Variants in MARCHF1 observed in about 807,000 individuals in gnomAD.
The protein encoded by MARCHF1 is membrane associated ring-CH-type finger 1.
In MARCHF1, 40 loss-of-function variants were observed where a neutral mutation model predicts 54.2. The ratio of observed to expected loss-of-function variants is 0.74; its 90% CI spans 0.57 to 0.96. The LOEUF is 0.96. Among genes scored for constraint, MARCHF1 ranks in the 40% least tolerant of loss-of-function variants. The probability of loss-of-function intolerance (pLI) is 0.00; values close to 1 mark genes in which losing one functional copy is unlikely to be tolerated. For synonymous variants in MARCHF1, 236 were observed against 236.3 expected (o/e 1.00, Z 0.01); for missense variants, 586 against 656.5 (o/e 0.89, Z 1.17).
chr4:163,959,651 T>C (rs1232091261), intron 3 of MARCHF1, among the ~76,000 whole-genome samples: 1 of 151,748 alleles, frequency 6.6e-6, no homozygotes. Context: ...TTACGCTATA[T>C]AAAAAAATCA....
At chr4:164,211,434 A>G (rs1731772611) in intron 1 of MARCHF1, among the ~76,000 whole-genome samples, 1 of 151,434 alleles carries the variant, frequency 6.6e-6, no homozygotes, top group South Asian at 2.1e-4. Flanking sequence ...AATGCATGCA[A>G]TTATTATTTC....
At chr4:164,264,705 A>C (rs1193669146) in intron 1 of MARCHF1, among the ~76,000 whole-genome samples, 4 of 152,034 alleles carry the variant, frequency 2.6e-5, no homozygotes, top group South Asian at 2.1e-4. Context: ...GGATCACCTA[A>C]GGTCAGGAGT....
rs112161471 is a variant in MARCHF1 at position 164,337,102 on chromosome 4, G to A, written c.-323+46768C>T. 1.3e-3 allele frequency among the ~76,000 whole-genome samples: 203 copies of A among 152,258 alleles called. 1 individual carries two copies. The highest frequency in any genetic ancestry group is 6.8e-3 in the Middle Eastern group (2 of 294). On this transcript the variant is annotated intron_variant, in intron 1 of 9. Transcript: ENST00000514618. ...AGGAAAAAAGTAAACCTGTGAAAGT[G>A]TAAGTTTTGGAGTACTTGATACTGA... is the stretch of plus-strand genomic sequence containing the variant.
chr4:163,796,222 T>TTTG, intron 4 of MARCHF1, among the ~76,000 whole-genome samples: 1 of 20,140 alleles, frequency 5.0e-5, no homozygotes, highest in South Asian at 3.4e-3. Flanking sequence ...AAACTTCTAG[T>TTTG]TTTTTTTTTT....
At chr4:163,760,555 C>T (rs781540159) in intron 4 of MARCHF1, among the ~76,000 whole-genome samples, 3 of 152,096 alleles carry the variant, frequency 2.0e-5, no homozygotes, top group Non-Finnish European at 4.4e-5. Context: ...CTAATATTTA[C>T]CAGTTTGCAC....
intron 5 of MARCHF1, among the ~76,000 whole-genome samples, chr4:163,700,048 T>A (rs1317485900): frequency 1.3e-5 from 2 of 152,060 alleles, no homozygotes; most frequent in Non-Finnish European, 2.9e-5. Context: ...AAAACTTGCC[T>A]TGGTGACAAA....
At chr4:164,349,318 GA>G (rs149883668) in intron 1 of MARCHF1, among the ~76,000 whole-genome samples, 62,426 of 151,964 alleles carry the variant, frequency 0.41, 13,681 homozygotes, top group Non-Finnish European at 0.49. Context: ...AGTTAAATCT[GA>G]GAAAAGTTAC....
intron 2 of MARCHF1, among the ~76,000 whole-genome samples, chr4:164,102,114 T>G (rs1303076023): frequency 1.0e-4 from 11 of 104,894 alleles, no homozygotes; most frequent in Non-Finnish European, 2.0e-4. Flanking sequence ...TGGGACTATG[T>G]GAAAAGACCA....
chr4:164,145,014 C>A lies in MARCHF1; in HGVS notation c.-322-33352G>T, dbSNP rs1352536817. ...TATCACCACCGATCCCACAGAAATA[C>A]GAACTACCGTCAGAGAATACTACAA... is the stretch of plus-strand genomic sequence containing the variant. On this transcript the variant is annotated intron_variant, in intron 1 of 9. Transcript: ENST00000514618. Among the ~76,000 whole-genome samples the A allele has an allele frequency of 2.3e-5, 3 of 132,976 alleles. 1 individual carries two copies. Among genetic ancestry groups the A allele is most frequent in the Non-Finnish European group, 4.6e-5 (3 of 64,994 alleles). 87.2% of individuals were successfully genotyped at this position (132,976 alleles called of 152,430 possible). A position where few individuals can be genotyped will look rare whatever the true frequency, so the allele number is the denominator to read the frequency against.
At chr4:163,765,213 A>G (rs1746940147) in intron 4 of MARCHF1, among the ~76,000 whole-genome samples, 1 of 152,122 alleles carries the variant, frequency 6.6e-6, no homozygotes, top group Admixed American at 6.5e-5. Flanking sequence ...AGCAGAGAAA[A>G]TGTTAATAAT....
At chr4:164,188,025 T>C (rs1434354565) in intron 1 of MARCHF1, among the ~76,000 whole-genome samples, 1 of 152,174 alleles carries the variant, frequency 6.6e-6, no homozygotes, top group Admixed American at 6.5e-5. Context: ...TGTTTTCTTA[T>C]AATTTTCCAT....
At chr4:163,785,058 A>G in intron 4 of MARCHF1, among the ~76,000 whole-genome samples, 1 of 152,254 alleles carries the variant, frequency 6.6e-6, no homozygotes, top group East Asian at 1.9e-4. Flanking sequence ...AAATGCGTTT[A>G]TAGACACTGT....
intron 3 of MARCHF1, among the ~76,000 whole-genome samples, chr4:163,914,348 C>G (rs1451925410): frequency 6.6e-6 from 1 of 151,968 alleles, no homozygotes; most frequent in Non-Finnish European, 1.5e-5. Context: ...AAAAACTAAA[C>G]AAGTGAAATT....
intron 1 of MARCHF1, among the ~76,000 whole-genome samples, chr4:164,243,721 G>T (rs952075870): frequency 1.5e-4 from 23 of 152,106 alleles, no homozygotes; most frequent in South Asian, 8.3e-4. Context: ...CCATCTCACG[G>T]GCAGAGACAT....
intron 2 of MARCHF1, among the ~76,000 whole-genome samples, chr4:164,035,365 A>G (rs867563293): frequency 2.0e-5 from 3 of 151,966 alleles, no homozygotes; most frequent in African/African-American, 7.2e-5. Context: ...TTTTTCATAA[A>G]TAAAATTCAA....
At chr4:163,929,948 A>T (rs1158639106) in intron 3 of MARCHF1, among the ~76,000 whole-genome samples, 3 of 35,702 alleles carry the variant, frequency 8.4e-5, no homozygotes, top group African/African-American at 3.9e-4. Flanking sequence ...TATTTATATT[A>T]TATATATTAT....
chr4:164,028,119 G>T (rs897024632), intron 2 of MARCHF1, among the ~76,000 whole-genome samples: 1 of 152,164 alleles, frequency 6.6e-6, no homozygotes, highest in Non-Finnish European at 1.5e-5. Flanking sequence ...ATGCAGTGTT[G>T]GTGGGAATGT....
intron 1 of MARCHF1, among the ~76,000 whole-genome samples, chr4:164,230,613 T>C (rs745522329): frequency 7.2e-5 from 11 of 152,180 alleles, no homozygotes; most frequent in Non-Finnish European, 1.0e-4. Context: ...CCTACTATAC[T>C]ACCAAATACT....
At chr4:163,760,535 T>C (rs1208424992) in intron 4 of MARCHF1, among the ~76,000 whole-genome samples, 1 of 152,142 alleles carries the variant, frequency 6.6e-6, no homozygotes, top group East Asian at 1.9e-4. Context: ...GTTTTCCCTT[T>C]TTGGTTTGGC....
Sources: allele counts gnomAD v4.1 joint callset (sites outside exome capture counted in the v4.1 genomes callset), GRCh38; gene constraint gnomAD v4.1.1; transcripts MANE v1.5; gene names NCBI Gene and HGNC (gene_info 2026-07-23, HGNC 2026-07-21).